Variants in CDK13 observed in about 807,000 individuals in gnomAD.
CDK13 encodes cyclin dependent kinase 13.
Under a neutral mutation model 137.6 loss-of-function variants are expected in CDK13, and 40 were observed. The ratio of observed to expected loss-of-function variants is 0.29; its 90% CI spans 0.23 to 0.38. The LOEUF (loss-of-function observed/expected upper bound fraction) is 0.38. Among genes scored for constraint, CDK13 ranks in the 10% least tolerant of loss-of-function variants. CDK13 has a pLI of 1.00. For missense variants in CDK13, 1,704 were observed against 1,951.8 expected (o/e 0.87, Z 2.39); for synonymous variants, 869 against 760.1 (o/e 1.14, Z -2.36).
intron 13 of CDK13, 125 bp from the exon 14 acceptor site, chr7:40,094,005 T>G: frequency 3.4e-6 from 4 of 1,183,378 alleles, no homozygotes; most frequent in Non-Finnish European, 4.6e-6. Flanking sequence ...CTTTTTTCAT[T>G]TAACATTTTG....
intron 5 of CDK13, among the ~76,000 whole-genome samples, chr7:40,025,405 A>G (rs537507955): frequency 6.6e-6 from 1 of 152,234 alleles, no homozygotes; most frequent in South Asian, 2.1e-4. Context: ...GAGTTTATAT[A>G]AAATTATAAT....
chr7:39,961,805 G>GT (rs1442474293), intron 1 of CDK13, among the ~76,000 whole-genome samples: 1 of 151,276 alleles, frequency 6.6e-6, no homozygotes, highest in African/African-American at 2.4e-5. Flanking sequence ...CCCCACAACA[G>GT]TCCCCAGAGT....
At chr7:40,003,229 C>G (rs1336084272) in intron 5 of CDK13, among the ~76,000 whole-genome samples, 1 of 146,150 alleles carries the variant, frequency 6.8e-6, no homozygotes, top group East Asian at 2.0e-4. Flanking sequence ...CTCTCTCTTA[C>G]TCTGTTGAGG....
intron 1 of CDK13, chr7:39,986,772 T>A (rs1784346269): frequency 6.6e-6 from 1 of 152,224 alleles, no homozygotes; most frequent in Non-Finnish European, 1.5e-5. Flanking sequence ...TAAGCTATTA[T>A]CTTGTATATG....
At chr7:39,976,323 T>TCGCACA in intron 1 of CDK13, among the ~76,000 whole-genome samples, 1 of 39,548 alleles carries the variant, frequency 2.5e-5, no homozygotes, top group African/African-American at 6.9e-5. Flanking sequence ...TCTCTCTCTC[T>TCGCACA]CACACACACA....
chr7:40,078,407 ATT>A (rs1786592482), intron 10 of CDK13: 1 of 293,402 alleles, frequency 3.4e-6, no homozygotes, highest in African/African-American at 2.2e-5. Flanking sequence ...TCAAGTTTTC[ATT>A]TTGCTTTAGA....
In CDK13 at chr7:39,951,461, C is replaced by T. The variant is rs1257466418; in HGVS notation, c.820C>T (p.Arg274Trp). 3 of 1,538,914 alleles carry T rather than the reference C, an allele frequency of 1.9e-6. No individual in the cohort carries two copies. Among genetic ancestry groups the T allele is most frequent in the Non-Finnish European group, 2.6e-6 (3 of 1,143,450 alleles). ...TSSSSSSRKDRDSKAHRSRTK... is the reference protein window; with the variant it reads ...TSSSSSSRKDWDSKAHRSRTK... Reference sequence around the variant, plus strand: ...CAGCAGCAGTAGCAGCCGCAAGGACCGGGACTCGAAGGCCCACCGCAGCCG... The same window carrying T: ...CAGCAGCAGTAGCAGCCGCAAGGACTGGGACTCGAAGGCCCACCGCAGCCG... The change falls in exon 1 of 14, where the codon CGG (arginine) becomes TGG (tryptophan). Residue 274 changes from arginine to tryptophan, a missense_variant. By Grantham distance (101) the Arg-to-Trp change is moderately radical. This residue lies in a region of CDK13 where 1,051 missense variants were observed against 931.0 expected (regional missense o/e 1.13). Coordinates refer to ENST00000181839, the MANE Select transcript of CDK13 (RefSeq NM_003718.5).
intron 5 of CDK13, among the ~76,000 whole-genome samples, chr7:40,019,975 T>C (rs899400229): frequency 2.6e-5 from 4 of 152,330 alleles, no homozygotes; most frequent in African/African-American, 9.6e-5. Context: ...TGAAGTTTTT[T>C]TGTTATTTGT....
At chr7:40,087,801 G>A (rs989428144) in intron 11 of CDK13, among the ~76,000 whole-genome samples, 15 of 151,780 alleles carry the variant, frequency 9.9e-5, no homozygotes, top group African/African-American at 3.1e-4. Context: ...CACCTATGTC[G>A]GCCTCCCAAA....
intron 12 of CDK13, among the ~76,000 whole-genome samples, chr7:40,091,171 C>T (rs575482389): frequency 6.6e-6 from 1 of 151,950 alleles, no homozygotes; most frequent in South Asian, 2.1e-4. Flanking sequence ...CGGTGAAATC[C>T]CATCTCTACT....
chr7:39,966,484 G>T (rs201932386), intron 1 of CDK13, among the ~76,000 whole-genome samples: 1 of 152,094 alleles, frequency 6.6e-6, no homozygotes, highest in Non-Finnish European at 1.5e-5. Flanking sequence ...ACTTCTGTGC[G>T]TTGGTTATTC....
At position 40,099,576 on chromosome 7, in the gene CDK13, T is replaced by G. The variant is rs566778781; in HGVS notation, c.*4596T>G. On this transcript the variant is annotated 3_prime_UTR_variant, in exon 14 of 14. Coordinates refer to ENST00000181839, the MANE Select transcript of CDK13 (RefSeq NM_003718.5). ...GTCTGTAAATAAATTGCCGTAACACTCCCAGGCCATTTTTCAGCCTTGTTT... is the reference window on the plus strand; with the variant it reads ...GTCTGTAAATAAATTGCCGTAACACGCCCAGGCCATTTTTCAGCCTTGTTT... 6.6e-6 allele frequency: 1 copy of G among 152,278 alleles called. No individual in the cohort carries two copies. The highest frequency in any genetic ancestry group is 1.9e-4 in the East Asian group (1 of 5,188). 9.4% of individuals were successfully genotyped at this position (152,278 alleles called of 1,614,324 possible).
chr7:39,950,342 C>A lies in CDK13; in HGVS notation c.-300C>A. On this transcript the variant is annotated 5_prime_UTR_variant, in exon 1 of 14. Coordinates refer to ENST00000181839, the MANE Select transcript of CDK13 (RefSeq NM_003718.5). ...GCACTTGGAGGACTCGGGACTCCCCCGCAGGTCAGCGCCCGGCGCATCTGG... is the reference window on the plus strand; with the variant it reads ...GCACTTGGAGGACTCGGGACTCCCCAGCAGGTCAGCGCCCGGCGCATCTGG... 2 of 1,166,264 alleles carry A rather than the reference C, an allele frequency of 1.7e-6. No homozygotes were observed. The highest frequency in any genetic ancestry group is 2.1e-6 in the Non-Finnish European group (2 of 946,350). The allele number at this position is 1,166,264 out of a possible 1,614,324, so 72.2% of individuals were successfully genotyped here.
intron 5 of CDK13, among the ~76,000 whole-genome samples, chr7:40,043,011 C>G (rs570393249): frequency 6.6e-6 from 1 of 152,188 alleles, no homozygotes. Flanking sequence ...CCCCTGGCCT[C>G]AAGCAGTCCT....
At chr7:40,023,326 A>C (rs1785168891) in intron 5 of CDK13, among the ~76,000 whole-genome samples, 1 of 151,882 alleles carries the variant, frequency 6.6e-6, no homozygotes, top group South Asian at 2.1e-4. Context: ...TGTCCTCCCA[A>C]AGTGTTGCGA....
chr7:40,008,739 A>G (rs994047916), intron 5 of CDK13, among the ~76,000 whole-genome samples: 1 of 152,180 alleles, frequency 6.6e-6, no homozygotes, highest in African/African-American at 2.4e-5. Context: ...TGAAAATAAC[A>G]TGTTCCTGTA....
Position 40,001,944 on chromosome 7 carries a change from C to A in CDK13, c.2266C>A (p.Leu756Ile). 6.2e-7 allele frequency: 1 copy of A among 1,609,078 alleles called. No individual in the cohort carries two copies. The highest frequency in any genetic ancestry group is 8.5e-7 in the Non-Finnish European group (1 of 1,175,764). ...PITAIREIKI[L>I]RQLTHQSIIN... ...TACAGCAATTCGAGAAATTAAAATT[C>A]TCCGGCAGCTTACCCATCAGAGTAT... is the stretch of plus-strand genomic sequence containing the variant. The change falls in exon 5 of 14, where the codon CTC becomes ATC. Residue 756 changes from leucine to isoleucine, a missense_variant. Transcript: ENST00000181839.
intron 9 of CDK13, among the ~76,000 whole-genome samples, chr7:40,075,887 C>A (rs565605924): frequency 1.4e-4 from 21 of 152,122 alleles, no homozygotes; most frequent in Non-Finnish European, 2.4e-4. Context: ...GTTATGCTTC[C>A]AGCTGAGCCT....
chr7:40,052,539 A>G (rs1785915652), intron 7 of CDK13, among the ~76,000 whole-genome samples: 2 of 152,204 alleles, frequency 1.3e-5, no homozygotes, highest in Admixed American at 6.5e-5. Flanking sequence ...AACAATAACC[A>G]GAAAGCATAC....
Sources: allele counts gnomAD v4.1 joint callset (sites outside exome capture counted in the v4.1 genomes callset), GRCh38; gene constraint gnomAD v4.1.1; regional missense constraint gnomAD v4.1.1; transcripts MANE v1.5; gene names NCBI Gene and HGNC (gene_info 2026-07-23, HGNC 2026-07-21).